The following ATE1 variants were observed in gnomAD, a reference collection of about 807,000 sequenced individuals.
The protein encoded by ATE1 is arginyltransferase 1.
In ATE1, 36 loss-of-function variants were observed where a neutral mutation model predicts 70.5. That is an observed-to-expected ratio of 0.51 (90% CI 0.39 to 0.67). ATE1 has a LOEUF of 0.67. Among genes scored for constraint, ATE1 ranks in the 30% least tolerant of loss-of-function variants. ATE1 has a pLI of 0.00. For missense variants in ATE1, 593 were observed against 629.5 expected (o/e 0.94, Z 0.62); for synonymous variants, 232 against 219.3 (o/e 1.06, Z -0.51).
intron 10 of ATE1, among the ~76,000 whole-genome samples, chr10:121,814,046 C>T (rs1043916582): frequency 6.6e-6 from 1 of 152,164 alleles, no homozygotes; most frequent in Admixed American, 6.5e-5. Flanking sequence ...CTGAGTGAAA[C>T]GGACTTCCCT....
intron 11 of ATE1, among the ~76,000 whole-genome samples, chr10:121,766,592 C>G (rs940321662): frequency 6.6e-6 from 1 of 152,020 alleles, no homozygotes; most frequent in Non-Finnish European, 1.5e-5. Context: ...AGCCAACACA[C>G]ACAGACTAAA....
chr10:121,906,841 C>T (rs554511045), intron 5 of ATE1, among the ~76,000 whole-genome samples: 125 of 152,046 alleles, frequency 8.2e-4, no homozygotes, highest in Admixed American at 1.6e-3. Context: ...TCAGGTGATC[C>T]GCCTGTCTCG....
intron 3 of ATE1, among the ~76,000 whole-genome samples, chr10:121,919,404 C>CA (rs1481054988): frequency 2.6e-5 from 4 of 151,526 alleles, no homozygotes; most frequent in South Asian, 2.1e-4. Context: ...CTAAAAATAT[C>CA]AAAAAAATTA....
intron 8 of ATE1, among the ~76,000 whole-genome samples, chr10:121,868,766 T>C (rs1949748690): frequency 6.6e-6 from 1 of 152,176 alleles, no homozygotes; most frequent in African/African-American, 2.4e-5. Context: ...TCCTGGATAC[T>C]CAGACAATGT....
chr10:121,819,663 C>T (rs1437795572), intron 10 of ATE1, among the ~76,000 whole-genome samples: 1 of 88,382 alleles, frequency 1.1e-5, no homozygotes, highest in African/African-American at 4.6e-5. Context: ...GCCTGGGTGA[C>T]AGAGCAAGAC....
In ATE1 at chr10:121,910,953, G is replaced by C; in HGVS notation, c.536C>G (p.Ser179Cys). The change falls in exon 5 of 12, where the codon TCT becomes TGT. Residue 179 changes from serine (S) to cysteine (C), a missense_variant. Physicochemically the swap from Ser to Cys is moderately radical, Grantham distance 112. Coordinates refer to ENST00000224652, the MANE Select transcript of ATE1 (RefSeq NM_001001976.3). ...SQDFVGEKLG[S>C]GEPSHSVKVH... Reference sequence around the variant, plus strand: ...TTTAACTGAATGTGACGGTTCACCAGAGCCCAACTTCTCTCCTACGAAATC... The same window carrying C: ...TTTAACTGAATGTGACGGTTCACCACAGCCCAACTTCTCTCCTACGAAATC... The C allele has an allele frequency of 6.2e-7, 1 of 1,613,910 alleles. No homozygotes were observed. The highest frequency in any genetic ancestry group is 8.5e-7 in the Non-Finnish European group (1 of 1,180,002).
chr10:121,910,175 C>T (rs947943795), intron 5 of ATE1, among the ~76,000 whole-genome samples: 1 of 152,148 alleles, frequency 6.6e-6, no homozygotes, highest in African/African-American at 2.4e-5. Context: ...ATTTTCTCTA[C>T]TTTAACATGT....
chr10:121,861,938 C>T (rs879406834), intron 8 of ATE1, among the ~76,000 whole-genome samples: 2 of 152,084 alleles, frequency 1.3e-5, no homozygotes, highest in Non-Finnish European at 2.9e-5. Flanking sequence ...CAATTCAGTA[C>T]CAAGAGCAGA....
intron 11 of ATE1, among the ~76,000 whole-genome samples, chr10:121,776,764 AAGTG>A (rs778786835): frequency 7.2e-5 from 11 of 152,266 alleles, no homozygotes; most frequent in Non-Finnish European, 1.5e-4. Flanking sequence ...AGATACATGA[AAGTG>A]AGTATTATAT....
chr10:121,847,624 G>A (rs539774743), intron 8 of ATE1, among the ~76,000 whole-genome samples: 18 of 151,022 alleles, frequency 1.2e-4, no homozygotes, highest in African/African-American at 4.4e-4. Context: ...CTAGCGTGGT[G>A]GCATGTGCCT....
chr10:121,802,250 C>T (rs544308413), intron 10 of ATE1, among the ~76,000 whole-genome samples: 9 of 151,984 alleles, frequency 5.9e-5, no homozygotes, highest in South Asian at 2.1e-4. Flanking sequence ...TCACTCACCC[C>T]GGGGTACTCA....
At chr10:121,870,288 G>C (rs1050836876) in intron 7 of ATE1, among the ~76,000 whole-genome samples, 1 of 152,112 alleles carries the variant, frequency 6.6e-6, no homozygotes, top group Non-Finnish European at 1.5e-5. Flanking sequence ...AGCACATAAA[G>C]CACAACAAAT....
At chr10:121,754,797 A>ATGT (rs1385139836) in intron 11 of ATE1, among the ~76,000 whole-genome samples, 11 of 152,232 alleles carry the variant, frequency 7.2e-5, no homozygotes, top group Admixed American at 5.9e-4. Context: ...ACAGTGGAGA[A>ATGT]ACCTGGTACA....
intron 10 of ATE1, among the ~76,000 whole-genome samples, chr10:121,804,357 T>C (rs1327987634): frequency 2.0e-5 from 3 of 152,174 alleles, no homozygotes; most frequent in African/African-American, 7.2e-5. Flanking sequence ...ACCAAAAATG[T>C]ATGTCCTTAA....
At position 121,927,836 on chromosome 10, in the gene ATE1, T is replaced by G; in HGVS notation, c.106+8A>C. On this transcript the variant is annotated splice_region_variant and intron_variant, in intron 1 of 11. Transcript: ENST00000224652. ...GGCTTCCCACGCCCGCCGGCCCGGC[T>G]CGCTCACCATTGGAGCGGCTGCCCG... 1 of 1,558,440 alleles carries G rather than the reference T, an allele frequency of 6.4e-7. No homozygotes were observed. Among genetic ancestry groups the G allele is most frequent in the South Asian group, 1.2e-5 (1 of 84,770 alleles).
intron 11 of ATE1, among the ~76,000 whole-genome samples, chr10:121,761,709 A>T (rs1263302089): frequency 6.6e-6 from 1 of 151,376 alleles, no homozygotes; most frequent in Non-Finnish European, 1.5e-5. Flanking sequence ...TGCCTCCCAA[A>T]CTCCTTTTTT....
At chr10:121,744,135 C>G (rs972287044) in intron 11 of ATE1, among the ~76,000 whole-genome samples, 1 of 151,812 alleles carries the variant, frequency 6.6e-6, no homozygotes, top group Non-Finnish European at 1.5e-5. Context: ...GTTGGCCAGG[C>G]TGTCTCGAAC....
At chr10:121,903,287 G>C (rs1327960942) in intron 5 of ATE1, among the ~76,000 whole-genome samples, 1 of 152,108 alleles carries the variant, frequency 6.6e-6, no homozygotes, top group Non-Finnish European at 1.5e-5. Context: ...AAAGGACACT[G>C]CTATCTCTGC....
intron 6 of ATE1, among the ~76,000 whole-genome samples, chr10:121,900,820 T>G (rs1358876705): frequency 6.6e-6 from 1 of 152,188 alleles, no homozygotes; most frequent in Non-Finnish European, 1.5e-5. Flanking sequence ...AACTGTTATG[T>G]TAAGCGTGCT....
Sources: allele counts gnomAD v4.1 joint callset (sites outside exome capture counted in the v4.1 genomes callset), GRCh38; gene constraint gnomAD v4.1.1; transcripts MANE v1.5; gene names NCBI Gene and HGNC (gene_info 2026-07-23, HGNC 2026-07-21).